The following LRP1B variants were observed in gnomAD, a reference collection of about 807,000 sequenced individuals.
LRP1B encodes LDL receptor related protein 1B.
LRP1B carries 217 observed loss-of-function variants against 556.6 expected under a neutral mutation model. That is an observed-to-expected ratio of 0.39 (90% CI 0.35 to 0.44). The LOEUF (loss-of-function observed/expected upper bound fraction) is 0.44. LRP1B is among the 20% of genes least tolerant of loss of function. The pLI is 1.00. For missense variants in LRP1B, 5,053 were observed against 5,620.8 expected, an observed-to-expected ratio of 0.90 and a Z score of 3.23; for synonymous variants, 2,047 against 1,865.8, an observed-to-expected ratio of 1.10 and a Z score of -2.50.
intron 3 of LRP1B, 175 bp downstream of exon 3, chr2:141,480,221 C>T: frequency 1.5e-6 from 1 of 661,064 alleles, no homozygotes; most frequent in Non-Finnish European, 2.6e-6. Context: ...TTTGCTCAAA[C>T]ATAATACTTG....
chr2:140,746,791 C>A (rs1323448933), intron 35 of LRP1B, among the ~76,000 whole-genome samples: 2 of 151,242 alleles, frequency 1.3e-5, no homozygotes, highest in Non-Finnish European at 2.9e-5. Flanking sequence ...TTTTATGCAA[C>A]AGAATAAAAG....
intron 43 of LRP1B, among the ~76,000 whole-genome samples, chr2:140,583,313 TA>T (rs1179646042): frequency 6.6e-6 from 1 of 151,800 alleles, no homozygotes; most frequent in Non-Finnish European, 1.5e-5. Flanking sequence ...TAGCTGGGAT[TA>T]CAGGCGAGCA....
chr2:141,640,130 G>A (rs1447555912), intron 2 of LRP1B, among the ~76,000 whole-genome samples: 1 of 152,106 alleles, frequency 6.6e-6, no homozygotes, highest in African/African-American at 2.4e-5. Flanking sequence ...AAAAATTAAT[G>A]CCTCAGTACA....
intron 59 of LRP1B, among the ~76,000 whole-genome samples, chr2:140,480,903 G>C (rs1187891981): frequency 6.6e-6 from 1 of 152,058 alleles, no homozygotes; most frequent in South Asian, 2.1e-4. Context: ...GTCTCACTCT[G>C]TCATGCAGGC....
intron 7 of LRP1B, among the ~76,000 whole-genome samples, chr2:141,089,240 G>GT (rs1255708812): frequency 1.3e-5 from 2 of 152,122 alleles, no homozygotes; most frequent in Admixed American, 6.6e-5. Flanking sequence ...TCTTCGTATT[G>GT]TTTTTTATGA....
At chr2:140,603,433 G>T (rs552178448) in intron 41 of LRP1B, among the ~76,000 whole-genome samples, 1 of 152,206 alleles carries the variant, frequency 6.6e-6, no homozygotes, top group Admixed American at 6.6e-5. Flanking sequence ...ATGAACTCTA[G>T]TAGTAGTATC....
intron 72 of LRP1B, 68 bp downstream of exon 72, chr2:140,364,593 A>G: frequency 6.4e-7 from 1 of 1,569,422 alleles, no homozygotes; most frequent in Admixed American, 1.8e-5. Flanking sequence ...TCCCCACTTC[A>G]TTGATTCATG....
At chr2:140,453,649 ATTAAG>A (rs1686970445) in intron 62 of LRP1B, among the ~76,000 whole-genome samples, 1 of 148,128 alleles carries the variant, frequency 6.8e-6, no homozygotes, top group African/African-American at 2.5e-5. Context: ...TGAAGCCATT[ATTAAG>A]TTGACTTTTT....
chr2:140,310,553 TG>T (rs1326699837), intron 83 of LRP1B, among the ~76,000 whole-genome samples: 1 of 151,748 alleles, frequency 6.6e-6, no homozygotes, highest in African/African-American at 2.4e-5. Context: ...AATAGATACA[TG>T]GATCAATGGA....
At chr2:140,385,182 C>T (rs956465366) in intron 67 of LRP1B, among the ~76,000 whole-genome samples, 7 of 152,020 alleles carry the variant, frequency 4.6e-5, no homozygotes, top group Non-Finnish European at 1.0e-4. Flanking sequence ...GAGATCAAGG[C>T]GGCAGTGAGT....
chr2:141,598,392 G>C (rs1687598707), intron 2 of LRP1B, among the ~76,000 whole-genome samples: 1 of 152,044 alleles, frequency 6.6e-6, no homozygotes, highest in Non-Finnish European at 1.5e-5. Context: ...GTAAAAATAG[G>C]TTGATTATTT....
At position 141,842,045 on chromosome 2, in the gene LRP1B, T is replaced by A. The variant is rs572912688; in HGVS notation, c.83-31644A>T. 1.3e-4 allele frequency among the ~76,000 whole-genome samples: 20 copies of A among 152,154 alleles called. No homozygotes were observed. In the South Asian group the frequency reaches 2.7e-3, roughly 21 times the overall value. ...ATTTGTATCCCTTAAGAAAAAGAGA[T>A]CTGAAAATTGTGATTTATTTTTAAT... On this transcript the variant is annotated intron_variant, in intron 1 of 90. Coordinates refer to ENST00000389484, the MANE Select transcript of LRP1B (RefSeq NM_018557.3).
intron 7 of LRP1B, among the ~76,000 whole-genome samples, chr2:141,115,922 T>G (rs1700887184): frequency 6.6e-6 from 1 of 152,170 alleles, no homozygotes; most frequent in Non-Finnish European, 1.5e-5. Flanking sequence ...TAAAACAACA[T>G]GAAAGCATCG....
intron 83 of LRP1B, among the ~76,000 whole-genome samples, chr2:140,311,788 C>CATTTAAATGAGAAGTCAAAGAA (rs1684315894): frequency 6.6e-6 from 1 of 151,554 alleles, no homozygotes; most frequent in Admixed American, 6.6e-5. Flanking sequence ...TAAATATCTT[C>CATTTAAATGAGAAGTCAAAGAA]ATTTAAATGA....
intron 2 of LRP1B, among the ~76,000 whole-genome samples, chr2:141,630,086 C>A (rs1688854970): frequency 6.6e-6 from 1 of 152,184 alleles, no homozygotes; most frequent in South Asian, 2.1e-4. Context: ...ATTCTACCAC[C>A]CACAGAAGTA....
intron 2 of LRP1B, among the ~76,000 whole-genome samples, chr2:141,685,136 T>A (rs1691248984): frequency 6.6e-6 from 1 of 152,110 alleles, no homozygotes; most frequent in Non-Finnish European, 1.5e-5. Flanking sequence ...TTCTTCTTTT[T>A]AAAATAGGAA....
chr2:140,505,671 A>G (rs1574015065), intron 53 of LRP1B, among the ~76,000 whole-genome samples: 1 of 152,170 alleles, frequency 6.6e-6, no homozygotes, highest in East Asian at 1.9e-4. Flanking sequence ...TAGCCTTTAA[A>G]ATATCACATC....
Position 140,356,452 on chromosome 2 carries a change from T to TAAAA in LRP1B, c.11419_11420insTTTT (p.Asp3807ValfsTer3). The TAAAA allele has an allele frequency of 6.2e-7, 1 of 1,606,584 alleles. No homozygotes were observed. The highest frequency in any genetic ancestry group is 1.7e-5 in the Admixed American group (1 of 59,830). ...ATCATCTCCACATGGATTCACATTA[T>TAAAA]CTTCACAGGTATATTCAGTAGGAGC... On this transcript the variant is annotated frameshift_variant, in exon 75 of 91. Transcript: ENST00000389484. LOFTEE classifies it high-confidence loss of function.
At chr2:140,259,286 A>G (rs1386080511) in intron 86 of LRP1B, among the ~76,000 whole-genome samples, 1 of 152,120 alleles carries the variant, frequency 6.6e-6, no homozygotes, top group Non-Finnish European at 1.5e-5. Flanking sequence ...AAGTAAAAAC[A>G]TACAACAAAC....
Sources: gnomAD v4.1 joint callset for allele counts (sites outside exome capture counted in the v4.1 genomes callset) on GRCh38, gnomAD v4.1.1 for gene constraint, MANE v1.5 for transcripts, NCBI Gene and HGNC (gene_info 2026-07-23, HGNC 2026-07-21) for gene names.